ZNF724: variants seen among roughly 807,000 people sequenced by gnomAD.
The protein encoded by ZNF724 is zinc finger protein 724.
A neutral mutation model predicts 29.3 loss-of-function variants in ZNF724; 14 were observed. The ratio of observed to expected loss-of-function variants is 0.48; its 90% CI spans 0.32 to 0.75. The LOEUF is 0.75. Among genes scored for constraint, ZNF724 ranks in the 30% least tolerant of loss-of-function variants. ZNF724 has a pLI of 0.04. For missense variants in ZNF724, 557 were observed against 571.2 expected, an observed-to-expected ratio of 0.98 and a Z score of 0.25; for synonymous variants, 180 against 193.6, an observed-to-expected ratio of 0.93 and a Z score of 0.58.
At chr19:23,224,067 C>G (rs1971777535) in intron 3 of ZNF724, 49 bp from the exon 4 acceptor site, 1 of 607,178 alleles carries the variant, frequency 1.6e-6, no homozygotes, top group Non-Finnish European at 2.9e-6. Flanking sequence ...GACTCAGATA[C>G]ATATTCTTTA....
intron 1 of ZNF724, among the ~76,000 whole-genome samples, chr19:23,241,053 CA>C (rs1162705287): frequency 6.0e-5 from 9 of 148,858 alleles, no homozygotes; most frequent in East Asian, 2.0e-4. Flanking sequence ...ACAACAACAA[CA>C]AAAAAAAAAG....
chr19:23,232,883 T>C (rs1017738074), intron 1 of ZNF724, among the ~76,000 whole-genome samples: 6 of 152,060 alleles, frequency 3.9e-5, no homozygotes, highest in African/African-American at 4.8e-5. Context: ...AACAGATATA[T>C]GCAAAGAAAC....
At chr19:23,235,754 A>G (rs898607343) in intron 1 of ZNF724, among the ~76,000 whole-genome samples, 10 of 152,208 alleles carry the variant, frequency 6.6e-5, no homozygotes, top group African/African-American at 1.4e-4. Context: ...GGCTGGAACC[A>G]TATGTGTTCA....
At chr19:23,233,656 A>G (rs963561697) in intron 1 of ZNF724, among the ~76,000 whole-genome samples, 4 of 152,324 alleles carry the variant, frequency 2.6e-5, no homozygotes, top group East Asian at 1.9e-4. Context: ...CTTGATTATC[A>G]TAAGAATTTT....
intron 1 of ZNF724, among the ~76,000 whole-genome samples, chr19:23,245,705 C>T (rs1428993412): frequency 2.6e-5 from 4 of 151,918 alleles, no homozygotes; most frequent in Admixed American, 2.6e-4. Flanking sequence ...TTGGTTGCTC[C>T]TTAATATGAA....
In ZNF724 at chr19:23,250,356, ACGAGAC is replaced by A; in HGVS notation, c.-120_-115del. The A allele has an allele frequency of 2.0e-6, 1 of 497,648 alleles. No homozygotes were observed. The highest frequency in any genetic ancestry group is 4.0e-6 in the Non-Finnish European group (1 of 248,370). 30.8% of individuals were successfully genotyped at this position (497,648 alleles called of 1,614,324 possible). On this transcript the variant is annotated 5_prime_UTR_variant, in exon 1 of 4. Transcript: ENST00000418100. ...GAGCAGGGGACACAAAGCAGGGAAG[ACGAGAC>A]CAAGCGCTCCAGCTGCAGCGAGAGA...
rs565885768 is a variant in ZNF724 at position 23,232,033 on chromosome 19, G to A, written c.130+134C>T. 4.7e-6 allele frequency: 4 copies of A among 842,732 alleles called. No individual in the cohort carries two copies. The East Asian group carries it at 8.0e-5, about 17-fold the overall frequency. 52.2% of individuals were successfully genotyped at this position (842,732 alleles called of 1,614,324 possible). A position where few individuals can be genotyped will look rare whatever the true frequency, so the allele number is the denominator to read the frequency against. ...ATTACAGGCATAAGCCACCACGCTT[G>A]GCCCCCAAGATTTTCTTAGAAATAG... On this transcript the variant is annotated intron_variant, in intron 2 of 3. Transcript: ENST00000418100.
Position 23,250,255 on chromosome 19 carries a change from A to AG in ZNF724, c.-14dup. The AG allele has an allele frequency of 1.5e-6, 1 of 685,908 alleles. No individual in the cohort carries two copies. Among genetic ancestry groups the AG allele is most frequent in the Non-Finnish European group, 2.5e-6 (1 of 394,682 alleles). 42.5% of individuals were successfully genotyped at this position (685,908 alleles called of 1,614,324 possible). ...CCACTCTCACCATTTCTAGGCTTCC[A>AG]GGGGAGGCCCTGGCGTCTTAGCTGT... is the stretch of plus-strand genomic sequence containing the variant. On this transcript the variant is annotated 5_prime_UTR_variant, in exon 1 of 4. Transcript: ENST00000418100.
At position 23,223,618 on chromosome 19, in the gene ZNF724, C is replaced by T. The variant is rs1971767663; in HGVS notation, c.627G>A (p.Val209=). 2.8e-6 allele frequency: 2 copies of T among 714,868 alleles called. No individual in the cohort carries two copies. The highest frequency in any genetic ancestry group is 1.7e-5 in the African/African-American group (1 of 57,364). The allele number at this position is 714,868 out of a possible 1,614,324, so 44.3% of individuals were successfully genotyped here. Residue 209 remains valine, a synonymous_variant, in exon 4 of 4, where the codon GTG becomes GTA. Coordinates refer to ENST00000418100, the MANE Select transcript of ZNF724 (RefSeq NM_001355404.2). ...KLEECGKAFN[V]SSTLSQHKRI... ...TCTTATGTTGAGAAAGGGTTGAGGA[C>T]ACATTAAAGGCCTTGCCACATTCTT...
At position 23,222,050 on chromosome 19, in the gene ZNF724, C is replaced by A; in HGVS notation, c.*335G>T. The A allele has an allele frequency of 4.1e-6, 1 of 246,410 alleles. No homozygotes were observed. The highest frequency in any genetic ancestry group is 7.8e-6 in the Non-Finnish European group (1 of 128,874). 15.3% of individuals were successfully genotyped at this position (246,410 alleles called of 1,614,324 possible). A position where few individuals can be genotyped will look rare whatever the true frequency, so the allele number is the denominator to read the frequency against. On this transcript the variant is annotated 3_prime_UTR_variant, in exon 4 of 4. Coordinates refer to ENST00000418100, the MANE Select transcript of ZNF724 (RefSeq NM_001355404.2). ...CAGATATTAATGGCTTCTTCACATT[C>A]TTTACATTTGCATAATTTTTCTCAA...
chr19:23,231,051 T>G, intron 3 of ZNF724: 1 of 282,648 alleles, frequency 3.5e-6, no homozygotes, highest in Non-Finnish European at 6.6e-6. Context: ...ACCCAGCTAA[T>G]TTTGTATTTT....
At chr19:23,229,361 A>T (rs1971894263) in intron 3 of ZNF724, among the ~76,000 whole-genome samples, 2 of 144,798 alleles carry the variant, frequency 1.4e-5, no homozygotes, top group Admixed American at 1.4e-4. Flanking sequence ...ATAGCCATGC[A>T]GGCAGGTTTG....
intron 1 of ZNF724, among the ~76,000 whole-genome samples, chr19:23,238,056 T>C (rs1261613638): frequency 1.3e-5 from 2 of 151,900 alleles, no homozygotes; most frequent in African/African-American, 4.9e-5. Context: ...TAGACAAATC[T>C]GTATCTACTT....
chr19:23,243,780 G>A (rs953127099), intron 1 of ZNF724, among the ~76,000 whole-genome samples: 33 of 151,566 alleles, frequency 2.2e-4, no homozygotes, highest in South Asian at 4.2e-4. Context: ...AAAATTAGCC[G>A]GGCATGGTGG....
intron 3 of ZNF724, 152 bp downstream of exon 3, chr19:23,231,114 C>T: frequency 1.8e-6 from 1 of 556,174 alleles, no homozygotes; most frequent in Non-Finnish European, 3.0e-6. Context: ...AACACCCGAC[C>T]TTAGGTCATC....
chr19:23,231,432 GTAAT>G (rs2145779152), intron 2 of ZNF724, 71 bp from the exon 3 acceptor site: 2 of 1,011,040 alleles, frequency 2.0e-6, no homozygotes, highest in East Asian at 2.7e-5. Flanking sequence ...TAAAAAGGGT[GTAAT>G]TAATAGAATA....
chr19:23,227,555 C>CAAAAAAAAAAAAAAAAAAAAAAAAAAAAA (rs1370441801), intron 3 of ZNF724, among the ~76,000 whole-genome samples: 1 of 76,068 alleles, frequency 1.3e-5, no homozygotes, highest in African/African-American at 4.5e-5. Flanking sequence ...GGCTCCATCT[C>CAAAAAAAAAAAAAAAAAAAAAAAAAAAAA]AAAAAAAAAA....
chr19:23,225,483 G>A (rs1304227596), intron 3 of ZNF724, among the ~76,000 whole-genome samples: 1 of 152,070 alleles, frequency 6.6e-6, no homozygotes, highest in Non-Finnish European at 1.5e-5. Context: ...GTGGGTGCCT[G>A]TATTCCCCAC....
At chr19:23,245,041 T>C (rs139867665) in intron 1 of ZNF724, among the ~76,000 whole-genome samples, 282 of 152,306 alleles carry the variant, frequency 1.9e-3, no homozygotes, top group African/African-American at 6.3e-3. Context: ...AATAAAATTC[T>C]CCATCTTTTG....
Sources: gnomAD v4.1 joint callset for allele counts (sites outside exome capture counted in the v4.1 genomes callset) on GRCh38, gnomAD v4.1.1 for gene constraint, MANE v1.5 for transcripts, NCBI Gene and HGNC (gene_info 2026-07-23, HGNC 2026-07-21) for gene names.